Variants in TRIM9 observed in about 807,000 individuals in gnomAD.
The protein encoded by TRIM9 is tripartite motif containing 9.
A neutral mutation model predicts 78.3 loss-of-function variants in TRIM9; 26 were observed. The ratio of observed to expected loss-of-function variants is 0.33; its 90% CI spans 0.24 to 0.46. TRIM9 has a LOEUF of 0.46. Among genes scored for constraint, TRIM9 ranks in the 20% least tolerant of loss-of-function variants. TRIM9 has a pLI of 1.00. For synonymous variants in TRIM9, 398 were observed against 416.5 expected (o/e 0.96, Z 0.54); for missense variants, 787 against 1,036.4 (o/e 0.76, Z 3.30).
chr14:51,065,986 C>A (rs910272520), intron 1 of TRIM9, among the ~76,000 whole-genome samples: 2 of 151,398 alleles, frequency 1.3e-5, no homozygotes, highest in African/African-American at 4.9e-5. Flanking sequence ...GGGCCTGTGC[C>A]ATCAACTTCT....
chr14:51,013,134 C>T (rs1381724515), intron 3 of TRIM9, among the ~76,000 whole-genome samples: 7 of 152,126 alleles, frequency 4.6e-5, no homozygotes, highest in Admixed American at 3.9e-4. Flanking sequence ...TGTGTTCTCT[C>T]CCAGGAGTTT....
intron 1 of TRIM9, among the ~76,000 whole-genome samples, chr14:51,047,338 A>G (rs7493564): frequency 0.29 from 43,814 of 152,026 alleles, 7,430 homozygotes; most frequent in South Asian, 0.53. Context: ...CTCTGACAGC[A>G]TCTGGGCCAC....
At chr14:51,072,944 C>A (rs2062425689) in intron 1 of TRIM9, among the ~76,000 whole-genome samples, 1 of 151,800 alleles carries the variant, frequency 6.6e-6, no homozygotes, top group Non-Finnish European at 1.5e-5. Context: ...GCTCTCAAGA[C>A]AAAACCACAA....
intron 3 of TRIM9, among the ~76,000 whole-genome samples, chr14:51,018,256 GT>G (rs1319465139): frequency 6.6e-6 from 1 of 150,688 alleles, no homozygotes; most frequent in Non-Finnish European, 1.5e-5. Flanking sequence ...TAATTTTTTT[GT>G]GAGCTGGGAT....
chr14:51,094,823 C>A lies in TRIM9; in HGVS notation c.117G>T (p.Val39=). 1 of 1,535,704 alleles carries A rather than the reference C, an allele frequency of 6.5e-7. No individual in the cohort carries two copies. Among genetic ancestry groups the A allele is most frequent in the Non-Finnish European group, 8.7e-7 (1 of 1,146,450 alleles). ...LCQACARNIL[V]QTPESESPQS... ...GGGGGGATTCAGACTCTGGGGTCTG[C>A]ACCAGGATGTTGCGGGCGCACGCCT... Residue 39 remains valine, a synonymous_variant, in exon 1 of 13, where the codon GTG becomes GTT. Coordinates refer to ENST00000684578, the MANE Select transcript of TRIM9 (RefSeq NM_001387360.1).
At chr14:51,028,369 T>C (rs1200384668) in intron 1 of TRIM9, among the ~76,000 whole-genome samples, 1 of 152,248 alleles carries the variant, frequency 6.6e-6, no homozygotes, top group Non-Finnish European at 1.5e-5. Flanking sequence ...AGTGCTCTTA[T>C]TGTAAGGATT....
rs1413680022 is a variant in TRIM9, at chr14:51,094,670, G to C, written c.270C>G (p.Thr90=). ...SYGGFASAPT[T]PCQKSPNGVR... is the part of the protein sequence containing the mutation. ...CGCCGTTGGGGGACTTCTGGCACGG[G>C]GTAGTGGGGGCGCTGGCGAACCCCC... The change falls in exon 1 of 13, where the codon ACC becomes ACG. Residue 90 remains threonine, a synonymous_variant. Coordinates refer to ENST00000684578, the MANE Select transcript of TRIM9 (RefSeq NM_001387360.1). 6.3e-7 allele frequency: 1 copy of C among 1,586,696 alleles called. No homozygotes were observed.
intron 3 of TRIM9, among the ~76,000 whole-genome samples, chr14:51,017,134 C>T (rs1221665057): frequency 2.6e-5 from 4 of 152,178 alleles, no homozygotes; most frequent in East Asian, 3.8e-4. Flanking sequence ...TTCATTGTCA[C>T]GTTCACTAAA....
At chr14:51,059,315 C>G (rs1222287268) in intron 1 of TRIM9, among the ~76,000 whole-genome samples, 1 of 152,188 alleles carries the variant, frequency 6.6e-6, no homozygotes, top group Non-Finnish European at 1.5e-5. Context: ...AGCAGATAGG[C>G]TAGCATTTAC....
chr14:50,981,184 C>T (rs2051838546), intron 11 of TRIM9, among the ~76,000 whole-genome samples: 2 of 152,124 alleles, frequency 1.3e-5, no homozygotes, highest in Non-Finnish European at 2.9e-5. Flanking sequence ...TAGAAGAAAA[C>T]CTCAAGGAGA....
chr14:51,088,360 T>C (rs968963553), intron 1 of TRIM9, among the ~76,000 whole-genome samples: 4 of 152,208 alleles, frequency 2.6e-5, no homozygotes, highest in Non-Finnish European at 4.4e-5. Context: ...TACATAGGCA[T>C]ATTGATACAA....
intron 1 of TRIM9, among the ~76,000 whole-genome samples, chr14:51,047,959 CAA>C (rs34404791): frequency 0.2 from 29,104 of 146,176 alleles, 3,134 homozygotes; most frequent in Non-Finnish European, 0.25. Context: ...GACCCTGTCT[CAA>C]AAAAAAAAAA....
At chr14:51,036,801 C>A (rs980981398) in intron 1 of TRIM9, among the ~76,000 whole-genome samples, 2 of 152,164 alleles carry the variant, frequency 1.3e-5, no homozygotes, top group African/African-American at 4.8e-5. Context: ...TATTTTAAAA[C>A]TAGATTTGTT....
At chr14:51,023,837 C>G (rs910193673) in intron 2 of TRIM9, among the ~76,000 whole-genome samples, 2 of 152,038 alleles carry the variant, frequency 1.3e-5, no homozygotes, top group African/African-American at 4.8e-5. Flanking sequence ...TAAAAAACAC[C>G]ACCCAGTTGA....
chr14:50,982,256 C>A, intron 10 of TRIM9, 153 bp from the exon 11 acceptor site: 1 of 798,186 alleles, frequency 1.3e-6, no homozygotes, highest in South Asian at 1.7e-5. Flanking sequence ...AGGGGCACGT[C>A]CTGGGAGTTG....
chr14:51,022,033 C>T (rs2057802814), intron 3 of TRIM9, among the ~76,000 whole-genome samples: 1 of 152,196 alleles, frequency 6.6e-6, no homozygotes, highest in African/African-American at 2.4e-5. Flanking sequence ...AAAATTTCCA[C>T]CCCTATCCCC....
chr14:51,044,571 C>T (rs1027478788), intron 1 of TRIM9, among the ~76,000 whole-genome samples: 1 of 152,130 alleles, frequency 6.6e-6, no homozygotes, highest in African/African-American at 2.4e-5. Flanking sequence ...GGAACTCAAG[C>T]AGCCATTTTG....
At chr14:51,046,676 A>G (rs1566612294) in intron 1 of TRIM9, among the ~76,000 whole-genome samples, 1 of 152,240 alleles carries the variant, frequency 6.6e-6, no homozygotes, top group Non-Finnish European at 1.5e-5. Context: ...AGCCAAGGAT[A>G]AAGAATGCAG....
chr14:51,052,102 G>A lies in TRIM9; in HGVS notation c.823-26742C>T, dbSNP rs115965638. ...GAGAAAAGAAAAGAAAGGAATAGTC[G>A]AACCATCCAGACTTAGGGTCTTTTA... On this transcript the variant is annotated intron_variant, in intron 1 of 12. Coordinates refer to ENST00000684578, the MANE Select transcript of TRIM9 (RefSeq NM_001387360.1). Among the ~76,000 whole-genome samples, 1,208 of 151,958 alleles carry A rather than the reference G, an allele frequency of 7.9e-3. 27 individuals carry two copies. The highest frequency in any genetic ancestry group is 0.027 in the African/African-American group (1,134 of 41,426).
Sources: gnomAD v4.1 joint callset for allele counts (sites outside exome capture counted in the v4.1 genomes callset) on GRCh38, gnomAD v4.1.1 for gene constraint, MANE v1.5 for transcripts, NCBI Gene and HGNC (gene_info 2026-07-23, HGNC 2026-07-21) for gene names.